The following TTLL6 variants were observed in gnomAD, a reference collection of about 807,000 sequenced individuals.
The protein encoded by TTLL6 is tubulin tyrosine ligase like 6, also known as tubulin polyglutamylase TTLL6.
In TTLL6, 75 loss-of-function variants were observed where a neutral mutation model predicts 96.4. The ratio of observed to expected loss-of-function variants is 0.78; its 90% CI spans 0.65 to 0.94. TTLL6 has a LOEUF of 0.94. Ranked by LOEUF, TTLL6 falls within the 40% of genes least tolerant of loss-of-function variation. The probability of loss-of-function intolerance (pLI) is 0.00; values close to 1 mark genes in which losing one functional copy is unlikely to be tolerated. For synonymous variants in TTLL6, 411 were observed against 419.4 expected (o/e 0.98, Z 0.24); for missense variants, 1,030 against 1,093.0 (o/e 0.94, Z 0.81).
chr17:48,770,867 G>A (rs1483486520), intron 13 of TTLL6, among the ~76,000 whole-genome samples: 2 of 148,878 alleles, frequency 1.3e-5, no homozygotes, highest in Non-Finnish European at 3.0e-5. Context: ...GCAGTGAGCC[G>A]AGATCACACC....
intron 2 of TTLL6, 34 bp downstream of exon 2, chr17:48,804,738 C>T (rs953648221): frequency 1.3e-6 from 2 of 1,536,624 alleles, no homozygotes; most frequent in Non-Finnish European, 8.8e-7. Context: ...TTATTACCAA[C>T]ATGGCTCCCC....
rs200129143 is a variant in TTLL6 at position 48,789,982 on chromosome 17, T to C, written c.1349A>G (p.Glu450Gly). 1.2e-6 allele frequency: 2 copies of C among 1,614,196 alleles called. No homozygotes were observed. The highest frequency in any genetic ancestry group is 1.7e-5 in the Admixed American group (1 of 60,024). The stretch of plus-strand genomic sequence containing the variant: ...CAGGAACTGCCCCCGTTGTCTCTCC[T>C]CCTCCAAGACTTTCTTCTTGTCACA... ...ESCDKKKVLE[E>G]ERQRGQFLQQ... The change falls in exon 10 of 16, where the codon GAG becomes GGG. Residue 450 changes from glutamate (E) to glycine (G), a missense_variant. Transcript: ENST00000393382.
At chr17:48,804,018 G>A (rs1302186614) in intron 2 of TTLL6, 90 bp from the exon 3 acceptor site, 15 of 1,454,620 alleles carry the variant, frequency 1.0e-5, no homozygotes, top group Admixed American at 2.0e-5. Context: ...GTCCCAGGTG[G>A]AGCTGTCTGA....
chr17:48,806,521 C>T (rs73989204), intron 1 of TTLL6, among the ~76,000 whole-genome samples: 3,927 of 152,108 alleles, frequency 0.026, 69 homozygotes, highest in South Asian at 0.1. Context: ...CCCTCTCCTC[C>T]GATGTCCACA....
At chr17:48,799,183 C>T (rs530898356) in intron 6 of TTLL6, among the ~76,000 whole-genome samples, 2 of 152,272 alleles carry the variant, frequency 1.3e-5, no homozygotes, top group South Asian at 4.1e-4. Context: ...CCATTTCTTC[C>T]CAGAGAGATC....
At chr17:48,794,076 C>T (rs1210568919) in intron 8 of TTLL6, 17 of 1,450,896 alleles carry the variant, frequency 1.2e-5, no homozygotes, top group Middle Eastern at 2.0e-4. Flanking sequence ...GCGGAGGCCA[C>T]GGGGGCACAC....
intron 5 of TTLL6, among the ~76,000 whole-genome samples, chr17:48,800,893 G>A (rs765098505): frequency 2.6e-5 from 4 of 152,102 alleles, no homozygotes; most frequent in East Asian, 1.9e-4. Context: ...CCTAACCGGG[G>A]TGCTAACCAC....
At chr17:48,774,323 C>T (rs1430433634) in intron 13 of TTLL6, among the ~76,000 whole-genome samples, 1 of 147,846 alleles carries the variant, frequency 6.8e-6, no homozygotes, top group Non-Finnish European at 1.5e-5. Context: ...ATTGCCACGC[C>T]CAGCTAATTT....
Position 48,804,881 on chromosome 17 carries a change from C to T in TTLL6, c.214G>A (p.Glu72Lys), listed in dbSNP as rs771576064. Residue 72 changes from glutamate (E) to lysine (K), a missense_variant, in exon 2 of 16, where the codon GAA becomes AAA. Transcript: ENST00000393382. ...NSEEKGDSSK[E>K]DPKETVALAF... ...AGCGCGACGGTTTCTTTTGGATCTTCTTTGGAACTGTCCCCCTTCTCTTCG... is the reference window on the plus strand; with the variant it reads ...AGCGCGACGGTTTCTTTTGGATCTTTTTTGGAACTGTCCCCCTTCTCTTCG... 4.5e-6 allele frequency: 7 copies of T among 1,552,302 alleles called. No homozygotes were observed. Among genetic ancestry groups the T allele is most frequent in the Non-Finnish European group, 6.1e-6 (7 of 1,147,124 alleles).
At chr17:48,785,626 G>A (rs534453845) in intron 12 of TTLL6, among the ~76,000 whole-genome samples, 4 of 152,230 alleles carry the variant, frequency 2.6e-5, no homozygotes, top group East Asian at 3.9e-4. Context: ...CAGAGAAGGC[G>A]TAGACAGACC....
intron 13 of TTLL6, among the ~76,000 whole-genome samples, chr17:48,775,056 C>T (rs1048891894): frequency 1.1e-4 from 17 of 149,392 alleles, no homozygotes; most frequent in African/African-American, 3.7e-4. Context: ...ATTGATTGAA[C>T]CTGGGAGACT....
intron 8 of TTLL6, among the ~76,000 whole-genome samples, chr17:48,791,854 A>ACACTTT (rs2039231794): frequency 6.6e-6 from 1 of 152,210 alleles, no homozygotes; most frequent in South Asian, 2.1e-4. Context: ...CATGGTCAGG[A>ACACTTT]CACTTTCACT....
At chr17:48,778,134 G>A (rs969929011) in intron 13 of TTLL6, among the ~76,000 whole-genome samples, 14 of 151,862 alleles carry the variant, frequency 9.2e-5, no homozygotes, top group Admixed American at 8.5e-4. Context: ...AAAATTAGCC[G>A]GGTGTGGTGG....
chr17:48,803,498 A>C (rs539719282), intron 3 of TTLL6, among the ~76,000 whole-genome samples: 21 of 151,962 alleles, frequency 1.4e-4, no homozygotes, highest in African/African-American at 4.6e-4. Context: ...AAAAAAACAA[A>C]AAAAAAAAAC....
In TTLL6 at chr17:48,769,974, C is replaced by T. The variant is rs1022851708; in HGVS notation, c.2164G>A (p.Val722Ile). The change falls in exon 14 of 16, where the codon GTA (valine) becomes ATA (isoleucine). Residue 722 changes from valine (V) to isoleucine (I), a missense_variant. Physicochemically the swap from Val to Ile is conservative, Grantham distance 29. Transcript: ENST00000393382. The stretch of plus-strand genomic sequence containing the variant: ...TGCTGCTTCTTGCATTTAAAGGATA[C>T]CACCCTGTCCGTCTCTGGGCCACTG... ...EYSGPETDRV[V>I]SFKCKKQQTP... 1.7e-5 allele frequency: 28 copies of T among 1,614,022 alleles called. No individual in the cohort carries two copies. The highest frequency in any genetic ancestry group is 2.3e-5 in the Non-Finnish European group (27 of 1,180,042).
intron 13 of TTLL6, 36 bp downstream of exon 13, chr17:48,784,887 C>T (rs2039057137): frequency 6.3e-7 from 1 of 1,579,510 alleles, no homozygotes; most frequent in East Asian, 2.2e-5. Context: ...AGCAAGACTC[C>T]CACCACTCCC....
At position 48,769,014 on chromosome 17, in the gene TTLL6, C is replaced by A. The variant is rs1221512794; in HGVS notation, c.2651G>T (p.Gly884Val). The A allele has an allele frequency of 6.2e-7, 1 of 1,613,954 alleles. No homozygotes were observed. Among genetic ancestry groups the A allele is most frequent in the Non-Finnish European group, 8.5e-7 (1 of 1,179,912 alleles). Residue 884 changes from glycine to valine, a missense_variant, in exon 15 of 16, where the codon GGC becomes GTC. By Grantham distance (109) the Gly-to-Val change is moderately radical. Coordinates refer to ENST00000393382, the MANE Select transcript of TTLL6 (RefSeq NM_001130918.3). ...CTAGCTCCTCTCACATCCTTTTTGG[C>A]CAGAGATCAGGCAATGGCTGTATGC... ...QEAYSHCLIS[G>V]QKGCERS
intron 13 of TTLL6, 67 bp downstream of exon 13, chr17:48,784,856 G>A (rs190022460): frequency 1.9e-5 from 27 of 1,403,450 alleles, no homozygotes; most frequent in Admixed American, 7.2e-5. Flanking sequence ...CAGCAAGTTG[G>A]GGGTAGAGAA....
chr17:48,780,958 G>C (rs1486517067), intron 13 of TTLL6, among the ~76,000 whole-genome samples: 1 of 152,096 alleles, frequency 6.6e-6, no homozygotes, highest in Non-Finnish European at 1.5e-5. Context: ...ATGAACATGG[G>C]TGTGCAAATA....
Sources: gnomAD v4.1 joint callset for allele counts (sites outside exome capture counted in the v4.1 genomes callset) on GRCh38, gnomAD v4.1.1 for gene constraint, MANE v1.5 for transcripts, NCBI Gene and HGNC (gene_info 2026-07-23, HGNC 2026-07-21) for gene names.